Variants in LAMA4 observed in about 807,000 individuals in gnomAD.
LAMA4 encodes the protein laminin subunit alpha 4.
LAMA4 carries 127 observed loss-of-function variants against 207.1 expected under a neutral mutation model. The observed-to-expected ratio is 0.61, with a 90% CI of 0.53 to 0.71. The LOEUF (loss-of-function observed/expected upper bound fraction) is 0.71, where lower values mean the gene tolerates loss of function less well. Among genes scored for constraint, LAMA4 ranks in the 30% least tolerant of loss-of-function variants. LAMA4 has a pLI of 0.00. For synonymous variants in LAMA4, 761 were observed against 816.0 expected (o/e 0.93, Z 1.15); for missense variants, 2,093 against 2,246.5 (o/e 0.93, Z 1.38).
chr6:112,218,834 G>C (rs564082144), intron 2 of LAMA4: 1 of 152,284 alleles, frequency 6.6e-6, no homozygotes, highest in Non-Finnish European at 1.5e-5. Context: ...CCGAGAGGGC[G>C]AGGAGGGCTG....
At position 112,156,276 on chromosome 6, in the gene LAMA4, C is replaced by T. The variant is rs3798358; in HGVS notation, c.1818-570G>A. ...CACACGATAGTCTCTGCCTTTGCCCCTCTCTGGCCTGTGTAAGGTTCATCC... is the reference window on the plus strand; with the variant it reads ...CACACGATAGTCTCTGCCTTTGCCCTTCTCTGGCCTGTGTAAGGTTCATCC... On this transcript the variant is annotated intron_variant, in intron 14 of 38. Transcript: ENST00000230538. 1.1e-4 allele frequency among the ~76,000 whole-genome samples: 17 copies of T among 152,256 alleles called. No individual in the cohort carries two copies. The East Asian group carries it at 3.3e-3, about 29-fold the overall frequency.
intron 2 of LAMA4, among the ~76,000 whole-genome samples, chr6:112,249,549 A>G (rs1309766695): frequency 1.3e-5 from 2 of 151,770 alleles, no homozygotes; most frequent in Non-Finnish European, 2.9e-5. Flanking sequence ...ACTTTTGCAC[A>G]GTTGAACTGC....
intron 17 of LAMA4, among the ~76,000 whole-genome samples, chr6:112,148,821 G>A (rs1266732167): frequency 6.6e-6 from 1 of 151,734 alleles, no homozygotes; most frequent in African/African-American, 2.4e-5. Context: ...AAAAAATTTT[G>A]TCTAGGGGAT....
chr6:112,147,100 T>C (rs1239683677), intron 18 of LAMA4, among the ~76,000 whole-genome samples: 1 of 152,188 alleles, frequency 6.6e-6, no homozygotes, highest in Non-Finnish European at 1.5e-5. Flanking sequence ...AGTAAACAAT[T>C]TCAATTTTTT....
rs777170605 is a variant in LAMA4 at position 112,190,353 on chromosome 6, G to A, written c.719-1148C>T. Among the ~76,000 whole-genome samples the A allele has an allele frequency of 9.4e-4, 143 of 152,232 alleles. 1 individual carries two copies. Among genetic ancestry groups the A allele is most frequent in the Non-Finnish European group, 1.7e-3 (115 of 68,002 alleles). ...TCAGTGTTATGCCTCTATGCACATT[G>A]CTTTTTTGTAGACATGTTTACTTTT... On this transcript the variant is annotated intron_variant, in intron 6 of 38. Coordinates refer to ENST00000230538, the MANE Select transcript of LAMA4 (RefSeq NM_001105206.3).
Position 112,114,324 on chromosome 6 carries a change from A to G in LAMA4, c.5207-129T>C, listed in dbSNP as rs1334558587. 5 of 911,200 alleles carry G rather than the reference A, an allele frequency of 5.5e-6. No individual in the cohort carries two copies. The Admixed American group carries it at 8.2e-5, about 15-fold the overall frequency. 56.4% of individuals were successfully genotyped at this position (911,200 alleles called of 1,614,324 possible). On this transcript the variant is annotated intron_variant, in intron 37 of 38. Coordinates refer to ENST00000230538, the MANE Select transcript of LAMA4 (RefSeq NM_001105206.3). ...TAAAACCCACACTTTCTTCTATATT[A>G]TTAAAATCATCAATGATGTCTAACA...
chr6:112,236,731 C>T (rs1392923020), intron 2 of LAMA4: 3 of 152,190 alleles, frequency 2.0e-5, no homozygotes, highest in African/African-American at 7.2e-5. Context: ...TTTTTTAATT[C>T]GCATGGAAAA....
intron 16 of LAMA4, among the ~76,000 whole-genome samples, chr6:112,153,107 G>T (rs1298333927): frequency 6.6e-6 from 1 of 151,982 alleles, no homozygotes; most frequent in Non-Finnish European, 1.5e-5. Flanking sequence ...TTAAGTAGAA[G>T]ATTCATTTAA....
At chr6:112,197,299 G>A (rs1783477908) in intron 5 of LAMA4, among the ~76,000 whole-genome samples, 1 of 152,144 alleles carries the variant, frequency 6.6e-6, no homozygotes, top group Non-Finnish European at 1.5e-5. Flanking sequence ...AGGGCCCAGA[G>A]CAGGCCAATA....
chr6:112,202,271 T>C (rs2115005473), intron 4 of LAMA4, among the ~76,000 whole-genome samples: 1 of 152,282 alleles, frequency 6.6e-6, no homozygotes, highest in South Asian at 2.1e-4. Context: ...CTCTTTCTTC[T>C]TCTTCCTTTT....
chr6:112,198,860 C>T (rs1245925898), intron 5 of LAMA4, among the ~76,000 whole-genome samples: 1 of 152,110 alleles, frequency 6.6e-6, no homozygotes, highest in Admixed American at 6.5e-5. Flanking sequence ...ACACTCAAAA[C>T]TTTGCAGTAT....
chr6:112,227,041 T>TTTTTTTAA, intron 2 of LAMA4, among the ~76,000 whole-genome samples: 2 of 141,710 alleles, frequency 1.4e-5, no homozygotes, highest in African/African-American at 5.2e-5. Flanking sequence ...GCTTCGACTA[T>TTTTTTTAA]TTTATTTATT....
At chr6:112,200,148 A>G in intron 5 of LAMA4, 1 of 533,346 alleles carries the variant, frequency 1.9e-6, no homozygotes, top group South Asian at 1.4e-5. Flanking sequence ...CATTCAGTGG[A>G]AAGCCTCTCG....
intron 9 of LAMA4, among the ~76,000 whole-genome samples, chr6:112,184,324 G>GAA (rs576885972): frequency 0.037 from 4,511 of 120,724 alleles, 124 homozygotes; most frequent in Non-Finnish European, 0.058. Flanking sequence ...AATATCATTA[G>GAA]AAAAAAAAAA....
chr6:112,172,343 G>T (rs1781764428), intron 12 of LAMA4: 1 of 421,318 alleles, frequency 2.4e-6, no homozygotes, highest in Non-Finnish European at 4.3e-6. Context: ...TTACCCACTT[G>T]CAAGAATAAC....
At chr6:112,221,337 A>T (rs1784914634) in intron 2 of LAMA4, among the ~76,000 whole-genome samples, 1 of 152,220 alleles carries the variant, frequency 6.6e-6, no homozygotes, top group African/African-American at 2.4e-5. Context: ...ATCTACGAAC[A>T]TATGACATAT....
chr6:112,183,464 C>G (rs782303625), intron 9 of LAMA4, among the ~76,000 whole-genome samples: 3 of 152,114 alleles, frequency 2.0e-5, no homozygotes, highest in Non-Finnish European at 4.4e-5. Flanking sequence ...CCCTTCTTGT[C>G]CGGGAGCCTT....
rs1554342360 is a variant in LAMA4 at position 112,172,752 on chromosome 6, C to A, written c.1410G>T (p.Leu470=). 6.2e-7 allele frequency: 1 copy of A among 1,614,100 alleles called. No individual in the cohort carries two copies. The highest frequency in any genetic ancestry group is 8.5e-7 in the Non-Finnish European group (1 of 1,179,990). Residue 470 remains leucine, a synonymous_variant, in exon 12 of 39, where the codon CTG becomes CTT. Coordinates refer to ENST00000230538, the MANE Select transcript of LAMA4 (RefSeq NM_001105206.3). ...WQRLHNETRT[L]FPVVLEQLDD... The stretch of plus-strand genomic sequence containing the variant: ...CCAGCTGCTCCAGGACGACAGGAAA[C>A]AGAGTGCGGGTCTCATTGTGCAGCC...
intron 4 of LAMA4, among the ~76,000 whole-genome samples, chr6:112,202,888 T>C (rs1352141716): frequency 1.3e-5 from 2 of 152,226 alleles, no homozygotes; most frequent in Admixed American, 1.3e-4. Context: ...CAACATCTGC[T>C]AGGGGCATCT....
Sources: allele counts gnomAD v4.1 joint callset (sites outside exome capture counted in the v4.1 genomes callset), GRCh38; gene constraint gnomAD v4.1.1; transcripts MANE v1.5; gene names NCBI Gene and HGNC (gene_info 2026-07-23, HGNC 2026-07-21).